The following HEPHL1 variants were observed in gnomAD, a reference collection of about 807,000 sequenced individuals.
HEPHL1 encodes hephaestin like 1.
A neutral mutation model predicts 122.0 loss-of-function variants in HEPHL1; 123 were observed. The ratio of observed to expected loss-of-function variants is 1.01; its 90% CI spans 0.87 to 1.17. The LOEUF is 1.17. Among genes scored for constraint, HEPHL1 ranks in the 50% most tolerant of loss-of-function variants. The pLI is 0.00. For synonymous variants in HEPHL1, 527 were observed against 508.9 expected, an observed-to-expected ratio of 1.04 and a Z score of -0.48; for missense variants, 1,452 against 1,430.5, an observed-to-expected ratio of 1.01 and a Z score of -0.24.
chr11:94,104,233 A>G (rs1341361998), intron 15 of HEPHL1, among the ~76,000 whole-genome samples: 1 of 152,168 alleles, frequency 6.6e-6, no homozygotes, highest in Admixed American at 6.5e-5. Flanking sequence ...GGGTAGCCTA[A>G]GTCAGAAAAT....
intron 1 of HEPHL1, among the ~76,000 whole-genome samples, chr11:94,022,830 A>G (rs955774769): frequency 2.6e-5 from 4 of 152,232 alleles, no homozygotes; most frequent in African/African-American, 9.6e-5. Flanking sequence ...GAGCTCTGCT[A>G]TTCTCAGAGA....
chr11:94,093,412 C>T (rs2134446066), intron 12 of HEPHL1, 89 bp from the exon 13 acceptor site: 5 of 1,481,240 alleles, frequency 3.4e-6, no homozygotes, highest in Non-Finnish European at 4.7e-6. Context: ...TTGGGGAGCA[C>T]TTCTCCAGAA....
intron 11 of HEPHL1, among the ~76,000 whole-genome samples, chr11:94,087,326 A>T (rs1284407682): frequency 1.3e-5 from 2 of 152,178 alleles, no homozygotes; most frequent in Non-Finnish European, 2.9e-5. Context: ...AAATGGAGCT[A>T]CTTATTCTAG....
rs1946090147 is a variant in HEPHL1, at chr11:94,073,082, G to A, written c.1290G>A (p.Lys430=). The A allele has an allele frequency of 1.9e-6, 3 of 1,612,794 alleles. No homozygotes were observed. The highest frequency in any genetic ancestry group is 1.7e-6 in the Non-Finnish European group (2 of 1,179,098). The part of the protein sequence containing the change: ...GDNRIGGKYW[K]VRYTEFVDAT... Reference sequence around the variant, plus strand: ...ACAGAATAGGAGGAAAATACTGGAAGGTTCGGTATACTGAATTTGTTGATG... The same window carrying A: ...ACAGAATAGGAGGAAAATACTGGAAAGTTCGGTATACTGAATTTGTTGATG... The change falls in exon 7 of 20, where the codon AAG becomes AAA. Residue 430 remains lysine (K), a synonymous_variant. Transcript: ENST00000315765.
At chr11:94,022,677 T>C (rs1172116167) in intron 1 of HEPHL1, among the ~76,000 whole-genome samples, 1 of 152,264 alleles carries the variant, frequency 6.6e-6, no homozygotes, top group Non-Finnish European at 1.5e-5. Context: ...GGAAATGTAA[T>C]GTCTGCAGGG....
At position 94,082,547 on chromosome 11, in the gene HEPHL1, G is replaced by A; in HGVS notation, c.1846G>A (p.Val616Met). ...FSIDKEDKEF[V>M]KSNRMHAVNG... The stretch of plus-strand genomic sequence containing the variant: ...CATTGACAAAGAAGATAAAGAGTTT[G>A]TGAAATCCAACCGAATGCATGGTAT... Residue 616 changes from valine to methionine, a missense_variant, in exon 10 of 20, where the codon GTG (valine) becomes ATG (methionine). Physicochemically the swap from Val to Met is conservative, Grantham distance 21. Coordinates refer to ENST00000315765, the MANE Select transcript of HEPHL1 (RefSeq NM_001098672.2). The A allele has an allele frequency of 1.9e-6, 3 of 1,611,420 alleles. No homozygotes were observed. The highest frequency in any genetic ancestry group is 2.2e-5 in the South Asian group (2 of 90,110).
intron 1 of HEPHL1, among the ~76,000 whole-genome samples, chr11:94,027,066 G>A (rs1297136366): frequency 6.6e-6 from 1 of 152,082 alleles, no homozygotes; most frequent in Non-Finnish European, 1.5e-5. Flanking sequence ...TCTAAGGGAG[G>A]GGCCATTCCT....
intron 1 of HEPHL1, among the ~76,000 whole-genome samples, chr11:94,025,428 G>C (rs569139107): frequency 2.0e-5 from 3 of 152,212 alleles, no homozygotes; most frequent in Admixed American, 2.0e-4. Flanking sequence ...ATCCTTAATG[G>C]AAGTAGGGTG....
chr11:94,073,031 T>C lies in HEPHL1; in HGVS notation c.1239T>C (p.Ser413=). Residue 413 remains serine, a synonymous_variant, in exon 7 of 20, where the codon TCT becomes TCC. Coordinates refer to ENST00000315765, the MANE Select transcript of HEPHL1 (RefSeq NM_001098672.2). ...GLPLNASGSD[S]DLYFTQGDNR... is the part of the protein sequence containing the mutation. ...CATTCCTATGTCTTTTCAGTGACTC[T>C]GATCTCTACTTCACACAAGGGGACA... is the stretch of plus-strand genomic sequence containing the variant. The C allele has an allele frequency of 6.2e-7, 1 of 1,612,552 alleles. No homozygotes were observed. The highest frequency in any genetic ancestry group is 8.5e-7 in the Non-Finnish European group (1 of 1,178,930).
At chr11:94,055,873 G>A (rs1199704898) in intron 2 of HEPHL1, 2 of 642,740 alleles carry the variant, frequency 3.1e-6, no homozygotes, top group South Asian at 1.6e-5. Context: ...TTAGCTCTGT[G>A]CTCAGCATCC....
intron 5 of HEPHL1, among the ~76,000 whole-genome samples, chr11:94,068,705 G>T (rs1280712590): frequency 6.6e-6 from 1 of 152,132 alleles, no homozygotes; most frequent in Non-Finnish European, 1.5e-5. Context: ...ATGCAAGAAG[G>T]ACTTGATGGA....
At chr11:94,092,177 A>G (rs1946267237) in intron 12 of HEPHL1, among the ~76,000 whole-genome samples, 1 of 152,150 alleles carries the variant, frequency 6.6e-6, no homozygotes, top group African/African-American at 2.4e-5. Context: ...CCTCAATGGA[A>G]GGGGTGGGTC....
intron 1 of HEPHL1, among the ~76,000 whole-genome samples, chr11:94,036,842 A>C (rs1313587105): frequency 6.6e-6 from 1 of 151,174 alleles, no homozygotes; most frequent in African/African-American, 2.4e-5. Context: ...CCGTCTCAAA[A>C]AAAAAAAAAA....
Position 94,111,698 on chromosome 11 carries a change from C to T in HEPHL1, c.3284C>T (p.Pro1095Leu). The T allele has an allele frequency of 6.2e-7, 1 of 1,612,260 alleles. No individual in the cohort carries two copies. The highest frequency in any genetic ancestry group is 8.5e-7 in the Non-Finnish European group (1 of 1,178,912). The change falls in exon 20 of 20, where the codon CCT (proline) becomes CTT (leucine). Residue 1095 changes from proline (P) to leucine (L), a missense_variant. By Grantham distance (98) the Pro-to-Leu change is moderately conservative (BLOSUM62 -3). Coordinates refer to ENST00000315765, the MANE Select transcript of HEPHL1 (RefSeq NM_001098672.2). ...HPATVPSNER[P>L]GKEQLYFFGK... Reference sequence around the variant, plus strand: ...AAGTTTATCTTTTTCACAGAACGACCTGGCAAAGAGCAGCTCTATTTCTTT... The same window carrying T: ...AAGTTTATCTTTTTCACAGAACGACTTGGCAAAGAGCAGCTCTATTTCTTT...
intron 2 of HEPHL1, among the ~76,000 whole-genome samples, chr11:94,046,628 C>T (rs1475452395): frequency 6.6e-6 from 1 of 150,660 alleles, no homozygotes; most frequent in Non-Finnish European, 1.5e-5. Flanking sequence ...AGCTGATCCC[C>T]ACTCCTTGCT....
At chr11:94,082,385 C>T in intron 9 of HEPHL1, 33 bp from the exon 10 acceptor site, 7 of 1,540,370 alleles carry the variant, frequency 4.5e-6, no homozygotes, top group Non-Finnish European at 5.3e-6. Flanking sequence ...CCAAGCTGTA[C>T]CTTTTATGTA....
intron 2 of HEPHL1, among the ~76,000 whole-genome samples, chr11:94,061,430 G>C (rs1402073314): frequency 6.6e-6 from 1 of 152,160 alleles, no homozygotes; most frequent in Admixed American, 6.6e-5. Context: ...AGATACAAGA[G>C]AATGAACTGG....
chr11:94,084,128 C>T (rs1165088323), intron 10 of HEPHL1, among the ~76,000 whole-genome samples: 1 of 151,978 alleles, frequency 6.6e-6, no homozygotes, highest in Admixed American at 6.6e-5. Context: ...AGTTCAAGAC[C>T]AGCCTGGGCA....
At chr11:94,024,354 G>A (rs1945606163) in intron 1 of HEPHL1, among the ~76,000 whole-genome samples, 1 of 152,138 alleles carries the variant, frequency 6.6e-6, no homozygotes. Flanking sequence ...GTAATCCCTA[G>A]AGTCACTTGA....
Sources: allele counts gnomAD v4.1 joint callset (sites outside exome capture counted in the v4.1 genomes callset), GRCh38; gene constraint gnomAD v4.1.1; transcripts MANE v1.5; gene names NCBI Gene and HGNC (gene_info 2026-07-23, HGNC 2026-07-21).